The following EXOSC6 variants were observed in gnomAD, a reference collection of about 807,000 sequenced individuals.
EXOSC6 encodes the protein exosome complex component MTR3.
EXOSC6 carries 21 observed loss-of-function variants against 16.7 expected under a neutral mutation model. The ratio of observed to expected loss-of-function variants is 1.26; its 90% confidence interval spans 0.89 to 1.82. The LOEUF (loss-of-function observed/expected upper bound fraction) is 1.82, where lower values mean the gene tolerates loss of function less well. Ranked by LOEUF, EXOSC6 falls within the 40% of genes most tolerant of loss-of-function variation. The pLI is 0.00. For missense variants in EXOSC6, 538 were observed against 415.7 expected, an observed-to-expected ratio of 1.29 and a Z score of -2.56; for synonymous variants, 297 against 217.1, an observed-to-expected ratio of 1.37 and a Z score of -3.24.
In EXOSC6 at chr16:70,250,799, CAGAA is replaced by C; in HGVS notation, c.*279_*282del. ...AATCAAGGCTAGGAGTTTGAGACTGCAGAAAGAAACCCTGTCTCTAAAAAAAAGG... is the reference window on the plus strand; with the variant it reads ...AATCAAGGCTAGGAGTTTGAGACTGCAGAAACCCTGTCTCTAAAAAAAAGG... On this transcript the variant is annotated 3_prime_UTR_variant, in exon 1 of 1. Coordinates refer to ENST00000435634, the MANE Select transcript of EXOSC6 (RefSeq NM_058219.3). 2.7e-6 allele frequency: 1 copy of C among 365,598 alleles called. No homozygotes were observed. Among genetic ancestry groups the C allele is most frequent in the Non-Finnish European group, 4.9e-6 (1 of 205,838 alleles). The allele number at this position is 365,598 out of a possible 1,614,324, so 22.6% of individuals were successfully genotyped here.
At position 70,248,444 on chromosome 16, in the gene EXOSC6, C is replaced by G. The variant is rs1959735995; in HGVS notation, c.*2638G>C. 6.6e-6 allele frequency: 1 copy of G among 152,068 alleles called. No individual in the cohort carries two copies. The highest frequency in any genetic ancestry group is 2.4e-5 in the African/African-American group (1 of 41,388). 9.4% of individuals were successfully genotyped at this position (152,068 alleles called of 1,614,324 possible). The stretch of plus-strand genomic sequence containing the variant: ...GTATTTATTTTACTGGTGCATCTAT[C>G]TTTCTATGAATGTGAGAATTTTCAC... On this transcript the variant is annotated 3_prime_UTR_variant, in exon 1 of 1. Coordinates refer to ENST00000435634, the MANE Select transcript of EXOSC6 (RefSeq NM_058219.3).
Position 70,251,847 on chromosome 16 carries a change from C to A in EXOSC6, c.54G>T (p.Gln18His). 4 of 1,553,378 alleles carry A rather than the reference C, an allele frequency of 2.6e-6. No homozygotes were observed. Among genetic ancestry groups the A allele is most frequent in the Non-Finnish European group, 3.4e-6 (4 of 1,160,068 alleles). The change falls in exon 1 of 1, where the codon CAG becomes CAT. Residue 18 changes from glutamine (Q) to histidine (H), a missense_variant. Coordinates refer to ENST00000435634, the MANE Select transcript of EXOSC6 (RefSeq NM_058219.3). The stretch of plus-strand genomic sequence containing the variant: ...CCTCCTCCTCGTCGGCCGCGTACAG[C>A]TGCGGCGGCTGCGATTCTTCAGGGC... ...IRGPEESQPP[Q>H]LYAADEEEAP... is the part of the protein sequence containing the mutation.
In EXOSC6 at chr16:70,249,594, T is replaced by A. The variant is rs1009992857; in HGVS notation, c.*1488A>T. On this transcript the variant is annotated 3_prime_UTR_variant, in exon 1 of 1. Transcript: ENST00000435634. ...TCCCTCTACAAATGTGAAGCACTCT[T>A]CTATCCGGCATTCCTAGTGGAGTTC... The A allele has an allele frequency of 1.3e-5, 2 of 152,178 alleles. No homozygotes were observed. Among genetic ancestry groups the A allele is most frequent in the Non-Finnish European group, 2.9e-5 (2 of 68,024 alleles). The allele number at this position is 152,178 out of a possible 1,614,324, so 9.4% of individuals were successfully genotyped here. A position where few individuals can be genotyped will look rare whatever the true frequency, so the allele number is the denominator to read the frequency against.
rs35401075 is a variant in EXOSC6, at chr16:70,248,771, C to CTTTTTTTTTTTTTT, written c.*2297_*2310dup. The CTTTTTTTTTTTTTT allele has an allele frequency of 1.0e-5, 1 of 98,134 alleles. No individual in the cohort carries two copies. Among genetic ancestry groups the CTTTTTTTTTTTTTT allele is most frequent in the Non-Finnish European group, 2.1e-5 (1 of 47,484 alleles). The allele number at this position is 98,134 out of a possible 1,614,324, so 6.1% of individuals were successfully genotyped here. ...CACCATGCCTGACTTATTTTTTTTC[C>CTTTTTTTTTTTTTT]TTTTTTTTTTTTTTTTTTTTTTTTG... On this transcript the variant is annotated 3_prime_UTR_variant, in exon 1 of 1. Transcript: ENST00000435634.
chr16:70,251,370 G>C lies in EXOSC6; in HGVS notation c.531C>G (p.Tyr177Ter). 7.3e-7 allele frequency: 1 copy of C among 1,377,820 alleles called. No homozygotes were observed. Among genetic ancestry groups the C allele is most frequent in the East Asian group, 3.1e-5 (1 of 32,336 alleles). The allele number at this position is 1,377,820 out of a possible 1,614,324, so 85.3% of individuals were successfully genotyped here. ...TGAGGCCGCAGCCCACCACCAGGTC[G>C]TACATCTCCACGCCCGCGTCGGCCA... ...LALADAGVEM[Y>*]DLVVGCGLSL... is the part of the protein sequence containing the mutation. The change falls in exon 1 of 1, where the codon TAC becomes TAG. Residue 177 changes from tyrosine (Y) to a stop codon, truncating the protein, a stop_gained. Coordinates refer to ENST00000435634, the MANE Select transcript of EXOSC6 (RefSeq NM_058219.3). LOFTEE classifies it high-confidence loss of function.
Position 70,251,715 on chromosome 16 carries a change from C to T in EXOSC6, c.186G>A (p.Val62=), listed in dbSNP as rs626993. 1 of 1,382,998 alleles carries T rather than the reference C, an allele frequency of 7.2e-7. No homozygotes were observed. The highest frequency in any genetic ancestry group is 9.3e-7 in the Non-Finnish European group (1 of 1,078,842). The allele number at this position is 1,382,998 out of a possible 1,614,324, so 85.7% of individuals were successfully genotyped here. Residue 62 remains valine (V), a synonymous_variant, in exon 1 of 1, where the codon GTG becomes GTA. Coordinates refer to ENST00000435634, the MANE Select transcript of EXOSC6 (RefSeq NM_058219.3). The stretch of plus-strand genomic sequence containing the variant: ...GTCGCGGGCCCGACACGGCACACAG[C>T]ACCTTGGTGCCTCCCGCCTCCAGGT... ...SAYLEAGGTK[V]LCAVSGPRQA...
In EXOSC6 at chr16:70,250,088, A is replaced by T. The variant is rs1228603336; in HGVS notation, c.*994T>A. On this transcript the variant is annotated 3_prime_UTR_variant, in exon 1 of 1. Transcript: ENST00000435634. ...TTCTTAGGAAACAAAATGACTATTC[A>T]CAGAACCAAATAAAAGCCTTCCACT... 2.0e-5 allele frequency: 3 copies of T among 152,136 alleles called. No individual in the cohort carries two copies. Among genetic ancestry groups the T allele is most frequent in the African/African-American group, 4.8e-5 (2 of 41,446 alleles). The allele number at this position is 152,136 out of a possible 1,614,324, so 9.4% of individuals were successfully genotyped here. A position where few individuals can be genotyped will look rare whatever the true frequency, so the allele number is the denominator to read the frequency against.
rs1338588116 is a variant in EXOSC6 at position 70,247,742 on chromosome 16, G to T, written c.*3340C>A. ...TGCTTTACATAGCAATCTTATAAAAGAAATGCTAGAATCAGAAAACCATCA... is the reference window on the plus strand; with the variant it reads ...TGCTTTACATAGCAATCTTATAAAATAAATGCTAGAATCAGAAAACCATCA... On this transcript the variant is annotated 3_prime_UTR_variant, in exon 1 of 1. Transcript: ENST00000435634. The T allele has an allele frequency of 6.6e-6, 1 of 152,096 alleles. No homozygotes were observed. Among genetic ancestry groups the T allele is most frequent in the East Asian group, 1.9e-4 (1 of 5,204 alleles). The allele number at this position is 152,096 out of a possible 1,614,324, so 9.4% of individuals were successfully genotyped here.
chr16:70,251,749 C>A lies in EXOSC6; in HGVS notation c.152G>T (p.Gly51Val). Residue 51 changes from glycine (G) to valine (V), a missense_variant, in exon 1 of 1, where the codon GGC becomes GTC. By Grantham distance (109) the Gly-to-Val change is moderately radical. Transcript: ENST00000435634. ...GCCTCCCGCCTCCAGGTAGGCCGAG[C>A]CCTTGGCCTGGCTCAGCAGCCCGGC... is the stretch of plus-strand genomic sequence containing the variant. ...ARAGLLSQAK[G>V]SAYLEAGGTK... 1 of 1,422,676 alleles carries A rather than the reference C, an allele frequency of 7.0e-7. No homozygotes were observed. Among genetic ancestry groups the A allele is most frequent in the Non-Finnish European group, 9.1e-7 (1 of 1,099,794 alleles). 88.1% of individuals were successfully genotyped at this position (1,422,676 alleles called of 1,614,324 possible).
Position 70,251,228 on chromosome 16 carries a change from G to A in EXOSC6, c.673C>T (p.Leu225=). The A allele has an allele frequency of 6.6e-7, 1 of 1,506,842 alleles. No homozygotes were observed. Among genetic ancestry groups the A allele is most frequent in the Admixed American group, 2.1e-5 (1 of 48,186 alleles). The allele number at this position is 1,506,842 out of a possible 1,614,324, so 93.3% of individuals were successfully genotyped here. ...AGGCCGCCCTCGCCGCTGCCCAGCA[G>A]CCCGGCCACCTGATTCAGCACAGGC... The part of the protein sequence containing the change: ...LMPVLNQVAG[L]LGSGEGGLTE... The change falls in exon 1 of 1, where the codon CTG becomes TTG. Residue 225 remains leucine (L), a synonymous_variant. Transcript: ENST00000435634.
Position 70,251,326 on chromosome 16 carries a change from G to A in EXOSC6, c.575C>T (p.Ala192Val). 2 of 1,379,142 alleles carry A rather than the reference G, an allele frequency of 1.5e-6. No homozygotes were observed. Among genetic ancestry groups the A allele is most frequent in the East Asian group, 3.1e-5 (1 of 32,464 alleles). The allele number at this position is 1,379,142 out of a possible 1,614,324, so 85.4% of individuals were successfully genotyped here. ...CGTGGGGTCCAGGAGCCAGGTGGGC[G>A]CGGGCCCCGGCGCGAGGCTGAGGCC... Reference protein sequence around the residue: ...GCGLSLAPGPAPTWLLDPTRL... With the variant: ...GCGLSLAPGPVPTWLLDPTRL... Residue 192 changes from alanine (A) to valine (V), a missense_variant, in exon 1 of 1, where the codon GCG becomes GTG. Transcript: ENST00000435634.
rs1432735074 is a variant in EXOSC6, at chr16:70,249,374, G to C, written c.*1708C>G. ...GATCATGCCACTGCACTCCAGGCTG[G>C]ACAACAGAGCAAGACTCCGCATCAA... On this transcript the variant is annotated 3_prime_UTR_variant, in exon 1 of 1. Coordinates refer to ENST00000435634, the MANE Select transcript of EXOSC6 (RefSeq NM_058219.3). 1 of 148,588 alleles carries C rather than the reference G, an allele frequency of 6.7e-6. No individual in the cohort carries two copies. Among genetic ancestry groups the C allele is most frequent in the Non-Finnish European group, 1.5e-5 (1 of 67,832 alleles). 9.2% of individuals were successfully genotyped at this position (148,588 alleles called of 1,614,324 possible). A position where few individuals can be genotyped will look rare whatever the true frequency, so the allele number is the denominator to read the frequency against.
Position 70,250,156 on chromosome 16 carries a change from T to A in EXOSC6, c.*926A>T, listed in dbSNP as rs1385873026. 1 of 152,034 alleles carries A rather than the reference T, an allele frequency of 6.6e-6. No individual in the cohort carries two copies. The highest frequency in any genetic ancestry group is 2.4e-5 in the African/African-American group (1 of 41,406). The allele number at this position is 152,034 out of a possible 1,614,324, so 9.4% of individuals were successfully genotyped here. On this transcript the variant is annotated 3_prime_UTR_variant, in exon 1 of 1. Transcript: ENST00000435634. ...ATAATAATAATAATGGTTTTATATA[T>A]ATGCATACACAAGCAAAGCCAGAAG... is the stretch of plus-strand genomic sequence containing the variant.
At position 70,249,019 on chromosome 16, in the gene EXOSC6, A is replaced by G. The variant is rs1433560292; in HGVS notation, c.*2063T>C. 6.7e-6 allele frequency: 1 copy of G among 149,756 alleles called. No individual in the cohort carries two copies. The highest frequency in any genetic ancestry group is 2.5e-5 in the African/African-American group (1 of 40,236). The allele number at this position is 149,756 out of a possible 1,614,324, so 9.3% of individuals were successfully genotyped here. A position where few individuals can be genotyped will look rare whatever the true frequency, so the allele number is the denominator to read the frequency against. ...ATAAAGCATATCAAAAACTGTAAAA[A>G]AAAAAAAAAAAAACCCTAATATCAG... On this transcript the variant is annotated 3_prime_UTR_variant, in exon 1 of 1. Coordinates refer to ENST00000435634, the MANE Select transcript of EXOSC6 (RefSeq NM_058219.3).
At position 70,248,984 on chromosome 16, in the gene EXOSC6, C is replaced by A. The variant is rs2152147569; in HGVS notation, c.*2098G>T. The A allele has an allele frequency of 3.1e-5, 4 of 127,194 alleles. No homozygotes were observed. The highest frequency in any genetic ancestry group is 1.6e-4 in the Admixed American group (2 of 12,670). The allele number at this position is 127,194 out of a possible 1,614,324, so 7.9% of individuals were successfully genotyped here. A position where few individuals can be genotyped will look rare whatever the true frequency, so the allele number is the denominator to read the frequency against. On this transcript the variant is annotated 3_prime_UTR_variant, in exon 1 of 1. Transcript: ENST00000435634. ...TATTTCCTTTATATTTTGTAAACTA[C>A]ATACCCAAAATAAAGCATATCAAAA...
rs1235948245 is a variant in EXOSC6 at position 70,247,692 on chromosome 16, T to G, written c.*3390A>C. ...TTTATTTTGCAGCTGTTAAAAGACA[T>G]TTTTCCCTAAAAAAAGAAAAGCTGT... is the stretch of plus-strand genomic sequence containing the variant. On this transcript the variant is annotated 3_prime_UTR_variant, in exon 1 of 1. Coordinates refer to ENST00000435634, the MANE Select transcript of EXOSC6 (RefSeq NM_058219.3). The G allele has an allele frequency of 6.6e-6, 1 of 152,120 alleles. No individual in the cohort carries two copies. Among genetic ancestry groups the G allele is most frequent in the Non-Finnish European group, 1.5e-5 (1 of 68,028 alleles). 9.4% of individuals were successfully genotyped at this position (152,120 alleles called of 1,614,324 possible).
At position 70,251,173 on chromosome 16, in the gene EXOSC6, A is replaced by G. The variant is rs1047341591; in HGVS notation, c.728T>C (p.Leu243Pro). The G allele has an allele frequency of 4.6e-6, 7 of 1,528,510 alleles. No individual in the cohort carries two copies. Among genetic ancestry groups the G allele is most frequent in the African/African-American group, 4.3e-5 (3 of 69,990 alleles). The allele number at this position is 1,528,510 out of a possible 1,614,324, so 94.7% of individuals were successfully genotyped here. The change falls in exon 1 of 1, where the codon CTG becomes CCG. Residue 243 changes from leucine to proline, a missense_variant. Physicochemically the swap from Leu to Pro is moderately conservative, Grantham distance 98 (BLOSUM62 -3). Coordinates refer to ENST00000435634, the MANE Select transcript of EXOSC6 (RefSeq NM_058219.3). ...LTESWAEAVR[L>P]GLEGCQRLYP... is the part of the protein sequence containing the mutation. ...GAGGCGCTGGCAGCCCTCGAGGCCC[A>G]GGCGTACGGCCTCCGCCCAGCTCTC...
In EXOSC6 at chr16:70,251,349, G is replaced by A. The variant is rs1395933208; in HGVS notation, c.552C>T (p.Gly184=). 3 of 1,381,196 alleles carry A rather than the reference G, an allele frequency of 2.2e-6. No individual in the cohort carries two copies. The highest frequency in any genetic ancestry group is 3.1e-5 in the East Asian group (1 of 32,372). The allele number at this position is 1,381,196 out of a possible 1,614,324, so 85.6% of individuals were successfully genotyped here. A position where few individuals can be genotyped will look rare whatever the true frequency, so the allele number is the denominator to read the frequency against. The change falls in exon 1 of 1, where the codon GGC becomes GGT. Residue 184 remains glycine (G), a synonymous_variant. Transcript: ENST00000435634. ...VEMYDLVVGC[G]LSLAPGPAPT... is the part of the protein sequence containing the mutation. Reference sequence around the variant, plus strand: ...GCGCGGGCCCCGGCGCGAGGCTGAGGCCGCAGCCCACCACCAGGTCGTACA... The same window carrying A: ...GCGCGGGCCCCGGCGCGAGGCTGAGACCGCAGCCCACCACCAGGTCGTACA...
rs1445694352 is a variant in EXOSC6, at chr16:70,251,421, G to C, written c.480C>G (p.Ala160=). The part of the protein sequence containing the change: ...LLEDGGSALA[A]ALTAAALALA... ...GGGCGAGCGCGGCGGCGGTGAGCGC[G>C]GCGGCCAGGGCCGAGCCACCGTCCT... Residue 160 remains alanine, a synonymous_variant, in exon 1 of 1, where the codon GCC becomes GCG. Transcript: ENST00000435634. 1.5e-6 allele frequency: 2 copies of C among 1,330,356 alleles called. No homozygotes were observed. Among genetic ancestry groups the C allele is most frequent in the Non-Finnish European group, 9.6e-7 (1 of 1,046,822 alleles). 82.4% of individuals were successfully genotyped at this position (1,330,356 alleles called of 1,614,324 possible).
Sources: gnomAD v4.1 joint callset for allele counts on GRCh38, gnomAD v4.1.1 for gene constraint, MANE v1.5 for transcripts, NCBI Gene and HGNC (gene_info 2026-07-23, HGNC 2026-07-21) for gene names.